Variants in GRIN2A observed in about 807,000 individuals in gnomAD.
GRIN2A encodes glutamate ionotropic receptor NMDA type subunit 2A.
In GRIN2A, 22 loss-of-function variants were observed where a neutral mutation model predicts 113.4. That is an observed-to-expected ratio of 0.19 (90% CI 0.14 to 0.28). GRIN2A has a LOEUF of 0.28. Ranked by LOEUF, GRIN2A falls within the 10% of genes least tolerant of loss-of-function variation. The probability of loss-of-function intolerance (pLI) is 1.00; values close to 1 mark genes in which losing one functional copy is unlikely to be tolerated. For synonymous variants in GRIN2A, 827 were observed against 738.4 expected, an observed-to-expected ratio of 1.12 and a Z score of -1.94; for missense variants, 1,502 against 1,887.0, an observed-to-expected ratio of 0.80 and a Z score of 3.78.
chr16:10,032,367 G>A (rs1282059243), intron 2 of GRIN2A, among the ~76,000 whole-genome samples: 2 of 152,136 alleles, frequency 1.3e-5, no homozygotes, highest in African/African-American at 2.4e-5. Flanking sequence ...TTTTTTAAAT[G>A]TGGGTCTACC....
At chr16:10,165,474 C>T (rs2049894121) in intron 2 of GRIN2A, among the ~76,000 whole-genome samples, 1 of 144,350 alleles carries the variant, frequency 6.9e-6, no homozygotes, top group Non-Finnish European at 1.5e-5. Context: ...TTTTTTTCAA[C>T]AGTTCTTAAA....
chr16:9,898,059 T>G (rs1055230824), intron 3 of GRIN2A, among the ~76,000 whole-genome samples: 1 of 137,614 alleles, frequency 7.3e-6, no homozygotes, highest in Non-Finnish European at 1.6e-5. Flanking sequence ...ATTTCCTTTT[T>G]TTTTTTTTTT....
At chr16:10,102,697 C>T (rs893312157) in intron 2 of GRIN2A, among the ~76,000 whole-genome samples, 2 of 152,084 alleles carry the variant, frequency 1.3e-5, no homozygotes, top group African/African-American at 4.8e-5. Context: ...CAGGCATGCA[C>T]CACCATGCCA....
intron 2 of GRIN2A, among the ~76,000 whole-genome samples, chr16:10,166,234 G>C (rs192678057): frequency 6.6e-6 from 1 of 152,316 alleles, no homozygotes; most frequent in African/African-American, 2.4e-5. Context: ...GATAGAGCAG[G>C]AGACATTCAG....
At chr16:9,818,093 T>C (rs2042217945) in intron 10 of GRIN2A, among the ~76,000 whole-genome samples, 1 of 151,776 alleles carries the variant, frequency 6.6e-6, no homozygotes, top group Non-Finnish European at 1.5e-5. Flanking sequence ...TAAACAGCAA[T>C]ATATTTCATA....
rs1182623688 is a variant in GRIN2A, at chr16:9,760,653, C to T, written c.*2496G>A. On this transcript the variant is annotated 3_prime_UTR_variant, in exon 13 of 13. Transcript: ENST00000330684. ...AGGCTTTCTGACCGATGAAGTCAGT[C>T]CAAGTATAACTCTCACTCTCCCTGG... The T allele has an allele frequency of 8.9e-6, 2 of 225,324 alleles. No individual in the cohort carries two copies. The highest frequency in any genetic ancestry group is 2.2e-5 in the African/African-American group (1 of 44,820). The allele number at this position is 225,324 out of a possible 1,614,324, so 14.0% of individuals were successfully genotyped here. A position where few individuals can be genotyped will look rare whatever the true frequency, so the allele number is the denominator to read the frequency against.
At chr16:9,858,007 T>G (rs1233175214) in intron 4 of GRIN2A, among the ~76,000 whole-genome samples, 4 of 152,218 alleles carry the variant, frequency 2.6e-5, no homozygotes, top group Admixed American at 2.6e-4. Context: ...TATAGCATAT[T>G]CATTTTCCCT....
At chr16:9,991,186 T>G (rs535059631) in intron 2 of GRIN2A, among the ~76,000 whole-genome samples, 61 of 152,312 alleles carry the variant, frequency 4.0e-4, no homozygotes, top group Middle Eastern at 3.4e-3. Context: ...CTCAGCACAT[T>G]ATAGGAGTTA....
At chr16:9,765,024 C>T (rs1900830072) in intron 12 of GRIN2A, 76 bp from the exon 13 acceptor site, 2 of 1,587,438 alleles carry the variant, frequency 1.3e-6, no homozygotes, top group Non-Finnish European at 8.6e-7. Flanking sequence ...TGAACTTTAC[C>T]TGCAAAGGTG....
chr16:10,120,188 T>C lies in GRIN2A; in HGVS notation c.414+59810A>G, dbSNP rs149300979. Among the ~76,000 whole-genome samples the C allele has an allele frequency of 2.6e-3, 394 of 152,314 alleles. 4 individuals carry two copies. Among genetic ancestry groups the C allele is most frequent in the Admixed American group, 0.018 (276 of 15,292 alleles). On this transcript the variant is annotated intron_variant, in intron 2 of 12. Transcript: ENST00000330684. ...TCCACAATGGCTGAACAAATTTACA[T>C]TCAACTGGGGGAGATTTTTACCACC...
At chr16:10,178,630 C>A (rs1042528257) in intron 2 of GRIN2A, among the ~76,000 whole-genome samples, 2 of 152,186 alleles carry the variant, frequency 1.3e-5, no homozygotes, top group Non-Finnish European at 2.9e-5. Context: ...TGCTAGCCTG[C>A]AAATCATTTA....
At chr16:9,918,990 T>C (rs939379183) in intron 3 of GRIN2A, among the ~76,000 whole-genome samples, 1 of 151,928 alleles carries the variant, frequency 6.6e-6, no homozygotes, top group African/African-American at 2.4e-5. Context: ...CTGACCAACA[T>C]GATGAAACCT....
At chr16:10,113,299 GC>G (rs2048660290) in intron 2 of GRIN2A, among the ~76,000 whole-genome samples, 1 of 152,112 alleles carries the variant, frequency 6.6e-6, no homozygotes, top group African/African-American at 2.4e-5. Context: ...CCGGGCCGCT[GC>G]CCCCTCAGCC....
At chr16:9,927,005 G>GA (rs2044480863) in intron 3 of GRIN2A, among the ~76,000 whole-genome samples, 1 of 151,732 alleles carries the variant, frequency 6.6e-6, no homozygotes, top group African/African-American at 2.4e-5. Context: ...GGAACCAAAG[G>GA]AAACTGGATT....
chr16:10,076,846 A>G (rs1426766979), intron 2 of GRIN2A, among the ~76,000 whole-genome samples: 1 of 152,226 alleles, frequency 6.6e-6, no homozygotes, highest in Non-Finnish European at 1.5e-5. Context: ...TAGGCAGAGC[A>G]CTGGTCCCCA....
At chr16:10,076,360 C>A (rs1246490542) in intron 2 of GRIN2A, among the ~76,000 whole-genome samples, 1 of 152,178 alleles carries the variant, frequency 6.6e-6, no homozygotes, top group Non-Finnish European at 1.5e-5. Flanking sequence ...CTGCATCCAT[C>A]CCACAAAACC....
At chr16:10,115,220 A>T (rs2142160962) in intron 2 of GRIN2A, among the ~76,000 whole-genome samples, 1 of 148,432 alleles carries the variant, frequency 6.7e-6, no homozygotes, top group East Asian at 2.1e-4. Context: ...ACTCTTTTGC[A>T]TGATCTAAGT....
At chr16:10,015,074 T>A (rs2046577076) in intron 2 of GRIN2A, among the ~76,000 whole-genome samples, 1 of 150,810 alleles carries the variant, frequency 6.6e-6, no homozygotes, top group Non-Finnish European at 1.5e-5. Context: ...GCCAACATAG[T>A]GAAATCTCAT....
chr16:9,794,043 G>T (rs1186735050), intron 11 of GRIN2A, among the ~76,000 whole-genome samples: 4 of 152,188 alleles, frequency 2.6e-5, no homozygotes, highest in Non-Finnish European at 5.9e-5. Flanking sequence ...TATCGATGCT[G>T]AGCAATGCTG....
Sources: allele counts gnomAD v4.1 joint callset (sites outside exome capture counted in the v4.1 genomes callset), GRCh38; gene constraint gnomAD v4.1.1; transcripts MANE v1.5; gene names NCBI Gene and HGNC (gene_info 2026-07-23, HGNC 2026-07-21).